SLC25A43: variants seen among roughly 807,000 people sequenced by gnomAD.
SLC25A43 encodes solute carrier family 25, member 43.
Under a neutral mutation model 22.8 loss-of-function variants are expected in SLC25A43, and 10 were observed. The ratio of observed to expected loss-of-function variants is 0.44; its 90% CI spans 0.27 to 0.74. The LOEUF (loss-of-function observed/expected upper bound fraction) is 0.74, where lower values mean the gene tolerates loss of function less well. Ranked by LOEUF, SLC25A43 falls within the 30% of genes least tolerant of loss-of-function variation. The pLI is 0.17. For missense variants in SLC25A43, 233 were observed against 279.1 expected, an observed-to-expected ratio of 0.83 and a Z score of 1.18; for synonymous variants, 106 against 121.6, an observed-to-expected ratio of 0.87 and a Z score of 0.84.
intron 3 of SLC25A43, among the ~76,000 whole-genome samples, chrX:119,431,958 A>T (rs1204105797): frequency 9.0e-6 from 1 of 110,545 alleles, no homozygotes; most frequent in African/African-American, 3.3e-5. Context: ...GTTCGAGACC[A>T]GCCTGGCCAA....
chrX:119,452,211 C>G, intron 4 of SLC25A43, 68 bp downstream of exon 4: 1 of 1,119,867 alleles, frequency 8.9e-7, no homozygotes, highest in Non-Finnish European at 1.2e-6. Flanking sequence ...CTTTGTCACC[C>G]CCAACCCCTA....
rs746603172 is a variant in SLC25A43, at chrX:119,426,373, T to C, written c.690+16011T>C. ...TTTGAGGGTAAGAATGGTGCCTACC[T>C]CATCTACTTGCAGCAAAGACTAAAT... On this transcript the variant is annotated intron_variant, in intron 3 of 4. Transcript: ENST00000217909. The C allele has an allele frequency of 1.1e-4, 37 of 331,846 alleles. No homozygotes were observed. The South Asian group carries it at 4.6e-3, about 42-fold the overall frequency. The allele number at this position is 331,846 out of a possible 1,213,427, so 27.3% of individuals were successfully genotyped here.
intron 3 of SLC25A43, among the ~76,000 whole-genome samples, chrX:119,432,779 T>G (rs4825639): frequency 0.28 from 17,095 of 61,483 alleles, 1,500 homozygotes; most frequent in African/African-American, 0.37. Flanking sequence ...CAGAGCGAGA[T>G]TCCATAAAAA....
chrX:119,409,979 T>G (rs955003543), intron 2 of SLC25A43, among the ~76,000 whole-genome samples: 1 of 112,050 alleles, frequency 8.9e-6, no homozygotes, highest in African/African-American at 3.2e-5. Context: ...AGTGAACCAT[T>G]TGATGCATTT....
At chrX:119,429,102 A>G (rs139142638) in intron 3 of SLC25A43, among the ~76,000 whole-genome samples, 1,574 of 106,885 alleles carry the variant, frequency 0.015, 44 homozygotes, top group East Asian at 0.065. Context: ...GCCAGGCTGA[A>G]GTGCAGTGGC....
intron 2 of SLC25A43, among the ~76,000 whole-genome samples, chrX:119,407,234 T>C (rs776926541): frequency 2.4e-4 from 27 of 111,682 alleles, no homozygotes; most frequent in South Asian, 1.5e-3. Flanking sequence ...GGCAGCTCTT[T>C]CTTATCTGAC....
intron 3 of SLC25A43, among the ~76,000 whole-genome samples, chrX:119,417,262 AC>A (rs908655497): frequency 9.6e-6 from 1 of 103,956 alleles, no homozygotes; most frequent in African/African-American, 3.8e-5. Context: ...TACTGAAAAT[AC>A]AAAAAAAAAA....
At position 119,453,380 on chromosome X, in the gene SLC25A43, A is replaced by G. The variant is rs753739182; in HGVS notation, c.*315A>G. 5 of 246,510 alleles carry G rather than the reference A, an allele frequency of 2.0e-5. No individual in the cohort carries two copies. The Admixed American group carries it at 2.5e-4, about 13-fold the overall frequency. 20.3% of individuals were successfully genotyped at this position (246,510 alleles called of 1,213,427 possible). A position where few individuals can be genotyped will look rare whatever the true frequency, so the allele number is the denominator to read the frequency against. On this transcript the variant is annotated 3_prime_UTR_variant, in exon 5 of 5. Coordinates refer to ENST00000217909, the MANE Select transcript of SLC25A43 (RefSeq NM_145305.3). ...ATGACACCAAAGAAAGGGCATTGCC[A>G]TGACATCTCAAAGCAACAGGTAATT...
At chrX:119,416,065 G>GT (rs200891071) in intron 3 of SLC25A43, among the ~76,000 whole-genome samples, 5,315 of 100,389 alleles carry the variant, frequency 0.053, 158 homozygotes, top group South Asian at 0.093. Context: ...AGTCATCTAA[G>GT]TTTTTTTTTT....
At chrX:119,402,201 C>T (rs2052244233) in intron 1 of SLC25A43, among the ~76,000 whole-genome samples, 1 of 111,877 alleles carries the variant, frequency 8.9e-6, no homozygotes, top group South Asian at 3.8e-4. Flanking sequence ...AAAACATAAA[C>T]ATCCAGAATG....
intron 1 of SLC25A43, among the ~76,000 whole-genome samples, chrX:119,401,811 G>A (rs769165971): frequency 1.7e-4 from 19 of 110,360 alleles, no homozygotes; most frequent in African/African-American, 5.6e-4. Flanking sequence ...GACTAGAGAG[G>A]AGGAAGAGTG....
intron 2 of SLC25A43, among the ~76,000 whole-genome samples, chrX:119,409,078 A>G (rs2052323869): frequency 9.0e-6 from 1 of 111,354 alleles, no homozygotes. Flanking sequence ...AATCTAGAGT[A>G]TACATCCATG....
At chrX:119,421,575 T>C (rs1310547504) in intron 3 of SLC25A43, among the ~76,000 whole-genome samples, 1 of 112,193 alleles carries the variant, frequency 8.9e-6, no homozygotes, top group Non-Finnish European at 1.9e-5. Flanking sequence ...TCTTGGAACA[T>C]CTGCCCAATT....
intron 3 of SLC25A43, among the ~76,000 whole-genome samples, chrX:119,435,192 T>C (rs913035930): frequency 5.4e-5 from 6 of 110,625 alleles, no homozygotes; most frequent in Non-Finnish European, 1.1e-4. Context: ...GCAGATCATA[T>C]AGGACCTTGT....
Position 119,414,757 on chromosome X carries a change from CT to C in SLC25A43, c.690+4405del, listed in dbSNP as rs1265461621. On this transcript the variant is annotated intron_variant, in intron 3 of 4. Coordinates refer to ENST00000217909, the MANE Select transcript of SLC25A43 (RefSeq NM_145305.3). ...TAGTTGTGATTTTTACACTTGGCTT[CT>C]TTTTTTTTTGAGACAGGGTCTCACT... 5.4e-4 allele frequency among the ~76,000 whole-genome samples: 54 copies of C among 99,778 alleles called. 1 individual carries two copies. The highest frequency in any genetic ancestry group is 3.3e-4 in the Non-Finnish European group (16 of 48,697). The allele number at this position is 99,778 out of a possible 115,157, so 86.6% of individuals were successfully genotyped here.
intron 3 of SLC25A43, among the ~76,000 whole-genome samples, chrX:119,416,401 A>G (rs1257288571): frequency 9.0e-6 from 1 of 111,103 alleles, no homozygotes; most frequent in Non-Finnish European, 1.9e-5. Context: ...TTGTATTTTT[A>G]GTAGAGACAA....
At chrX:119,452,512 A>T (rs2052714936) in intron 4 of SLC25A43, among the ~76,000 whole-genome samples, 1 of 111,191 alleles carries the variant, frequency 9.0e-6, no homozygotes, top group Non-Finnish European at 1.9e-5. Flanking sequence ...AAAAAACAAA[A>T]ACAAAAAACA....
intron 3 of SLC25A43, among the ~76,000 whole-genome samples, chrX:119,431,174 C>T (rs1391612333): frequency 8.9e-6 from 1 of 112,088 alleles, no homozygotes; most frequent in Non-Finnish European, 1.9e-5. Flanking sequence ...TACGATAATA[C>T]TACCTCTTTC....
intron 2 of SLC25A43, among the ~76,000 whole-genome samples, chrX:119,409,461 C>T (rs1050352604): frequency 9.3e-6 from 1 of 107,483 alleles, no homozygotes; most frequent in African/African-American, 3.4e-5. Flanking sequence ...CCACCTCGGC[C>T]TCCCAAAGTG....
Sources: allele counts gnomAD v4.1 joint callset (sites outside exome capture counted in the v4.1 genomes callset), GRCh38; gene constraint gnomAD v4.1.1; transcripts MANE v1.5; gene names NCBI Gene and HGNC (gene_info 2026-07-23, HGNC 2026-07-21).